The following CDH2 variants were observed in gnomAD, a reference collection of about 807,000 sequenced individuals.
CDH2 encodes cadherin-2.
A neutral mutation model predicts 92.0 loss-of-function variants in CDH2; 17 were observed. That is an observed-to-expected ratio of 0.18 (90% CI 0.13 to 0.28). The LOEUF (loss-of-function observed/expected upper bound fraction) is 0.28. CDH2 is among the 10% of genes least tolerant of loss of function. The probability of loss-of-function intolerance (pLI) is 1.00; values close to 1 mark genes in which losing one functional copy is unlikely to be tolerated. For synonymous variants in CDH2, 419 were observed against 415.9 expected (o/e 1.01, Z -0.09); for missense variants, 862 against 1,133.1 (o/e 0.76, Z 3.44).
At chr18:28,106,769 A>G (rs983400447) in intron 2 of CDH2, among the ~76,000 whole-genome samples, 2 of 152,210 alleles carry the variant, frequency 1.3e-5, no homozygotes, top group African/African-American at 4.8e-5. Flanking sequence ...CTTTAAAATA[A>G]TGTATAATTT....
chr18:28,133,380 G>A (rs12458840), intron 2 of CDH2, among the ~76,000 whole-genome samples: 30,146 of 151,536 alleles, frequency 0.2, 3,626 homozygotes, highest in Non-Finnish European at 0.28. Flanking sequence ...TCAGGAGATC[G>A]AGACCATCCT....
intron 11 of CDH2, among the ~76,000 whole-genome samples, chr18:27,986,364 CTA>C (rs2012234341): frequency 6.6e-6 from 1 of 152,090 alleles, no homozygotes. Flanking sequence ...GATTGTAATC[CTA>C]TGACACAGGT....
intron 1 of CDH2, among the ~76,000 whole-genome samples, chr18:28,160,510 G>A (rs1055685175): frequency 6.6e-6 from 1 of 152,180 alleles, no homozygotes; most frequent in African/African-American, 2.4e-5. Context: ...GGGACAGCAT[G>A]GATTCTGACA....
chr18:28,025,938 T>C (rs2013542082), intron 2 of CDH2, among the ~76,000 whole-genome samples: 1 of 152,184 alleles, frequency 6.6e-6, no homozygotes, highest in East Asian at 1.9e-4. Flanking sequence ...CAAGGGCACA[T>C]GAATTCTAAT....
At chr18:28,118,080 T>C (rs1446457849) in intron 2 of CDH2, among the ~76,000 whole-genome samples, 1 of 151,126 alleles carries the variant, frequency 6.6e-6, no homozygotes, top group Admixed American at 6.7e-5. Flanking sequence ...ACACACACTT[T>C]CCTTTTTTTC....
chr18:27,948,636 C>G (rs1909335369), downstream of CDH2, among the ~76,000 whole-genome samples: 1 of 151,714 alleles, frequency 6.6e-6, no homozygotes, highest in Non-Finnish European at 1.5e-5. Flanking sequence ...ATACGTAATT[C>G]AAAGAAACAC....
chr18:28,106,635 T>C (rs2015327786), intron 2 of CDH2, among the ~76,000 whole-genome samples: 1 of 152,158 alleles, frequency 6.6e-6, no homozygotes, highest in African/African-American at 2.4e-5. Context: ...TACTTTTCTG[T>C]TTGTAAATTT....
chr18:27,959,862 G>T (rs2011351770), intron 15 of CDH2, among the ~76,000 whole-genome samples: 1 of 151,926 alleles, frequency 6.6e-6, no homozygotes, highest in African/African-American at 2.4e-5. Context: ...CGAATTCATG[G>T]ATTTAGGCCA....
At chr18:28,007,431 G>A (rs2012970118) in intron 5 of CDH2, among the ~76,000 whole-genome samples, 2 of 151,278 alleles carry the variant, frequency 1.3e-5, no homozygotes, top group South Asian at 4.2e-4. Context: ...TGTTAAGTCT[G>A]ATGCTTGCCA....
intron 2 of CDH2, among the ~76,000 whole-genome samples, chr18:28,091,411 T>A (rs1222575982): frequency 6.6e-6 from 1 of 152,214 alleles, no homozygotes; most frequent in Non-Finnish European, 1.5e-5. Context: ...TAGTGGACTT[T>A]GTCCTTCAGT....
intron 2 of CDH2, among the ~76,000 whole-genome samples, chr18:28,069,855 T>A (rs557056746): frequency 6.6e-6 from 1 of 152,176 alleles, no homozygotes; most frequent in African/African-American, 2.4e-5. Flanking sequence ...TTCCACCCCA[T>A]CAGAAACTCC....
chr18:27,976,098 T>C (rs1196727664), intron 14 of CDH2, among the ~76,000 whole-genome samples: 1 of 152,180 alleles, frequency 6.6e-6, no homozygotes, highest in East Asian at 1.9e-4. Flanking sequence ...GAACCAATCA[T>C]GAGAGAGCAG....
intron 1 of CDH2, among the ~76,000 whole-genome samples, chr18:28,167,909 G>A (rs552611197): frequency 2.0e-5 from 3 of 152,018 alleles, no homozygotes; most frequent in Non-Finnish European, 4.4e-5. Flanking sequence ...TATTTTCGCT[G>A]CAAAAACAGA....
rs76372143 is a variant in CDH2 at position 28,140,836 on chromosome 18, G to A, written c.172+6837C>T. Among the ~76,000 whole-genome samples the A allele has an allele frequency of 2.1e-3, 303 of 147,618 alleles. 1 individual carries two copies. The highest frequency in any genetic ancestry group is 7.2e-3 in the African/African-American group (289 of 40,056). ...AAGTCTTACGACTCAAAAACACAAA[G>A]GTAAACAACTCAATTTAAAAAGCTA... On this transcript the variant is annotated intron_variant, in intron 2 of 15. Transcript: ENST00000269141.
At chr18:28,171,213 C>A (rs986847835) in intron 1 of CDH2, among the ~76,000 whole-genome samples, 4 of 141,844 alleles carry the variant, frequency 2.8e-5, no homozygotes, top group South Asian at 4.5e-4. Context: ...CCTGACAGAG[C>A]GAGACTGTCT....
chr18:28,001,815 T>C (rs911630862), intron 7 of CDH2, among the ~76,000 whole-genome samples: 3 of 152,248 alleles, frequency 2.0e-5, no homozygotes, highest in Non-Finnish European at 4.4e-5. Context: ...GTGTGAACAA[T>C]TGCAATAGTA....
intron 2 of CDH2, among the ~76,000 whole-genome samples, chr18:28,094,224 C>T (rs543969165): frequency 7.9e-4 from 121 of 152,226 alleles, no homozygotes; most frequent in African/African-American, 2.8e-3. Flanking sequence ...TAGTGGCTCA[C>T]ACCTGTAATC....
chr18:27,973,540 T>G (rs576054057), intron 14 of CDH2, among the ~76,000 whole-genome samples: 1 of 152,202 alleles, frequency 6.6e-6, no homozygotes, highest in Non-Finnish European at 1.5e-5. Flanking sequence ...GTATCTCCTC[T>G]GTGCCAAGGG....
chr18:28,176,811 G>T, intron 1 of CDH2, 152 bp downstream of exon 1: 2 of 226,204 alleles, frequency 8.8e-6, no homozygotes, highest in Non-Finnish European at 1.5e-5. Flanking sequence ...CGATGCCTGC[G>T]CAGCTACCGG....
Sources: gnomAD v4.1 joint callset for allele counts (sites outside exome capture counted in the v4.1 genomes callset) on GRCh38, gnomAD v4.1.1 for gene constraint, MANE v1.5 for transcripts, NCBI Gene and HGNC (gene_info 2026-07-23, HGNC 2026-07-21) for gene names.